Variants in WDR70 observed in about 807,000 individuals in gnomAD.
The protein encoded by WDR70 is WD repeat-containing protein 70.
A neutral mutation model predicts 88.6 loss-of-function variants in WDR70; 53 were observed. The observed-to-expected ratio is 0.60, with a 90% confidence interval of 0.48 to 0.75. The LOEUF (loss-of-function observed/expected upper bound fraction) is 0.75. WDR70 is among the 30% of genes least tolerant of loss of function. The pLI is 0.00. For synonymous variants in WDR70, 280 were observed against 270.0 expected (o/e 1.04, Z -0.36); for missense variants, 610 against 823.2 (o/e 0.74, Z 3.17).
At chr5:37,692,594 A>C (rs1250698645) in intron 10 of WDR70, among the ~76,000 whole-genome samples, 1 of 152,188 alleles carries the variant, frequency 6.6e-6, no homozygotes, top group African/African-American at 2.4e-5. Context: ...CCCTCACATA[A>C]ACAGAACCAA....
intron 5 of WDR70, among the ~76,000 whole-genome samples, chr5:37,433,778 C>T (rs921283824): frequency 6.6e-6 from 1 of 152,160 alleles, no homozygotes; most frequent in Non-Finnish European, 1.5e-5. Context: ...TGGAATTGAG[C>T]ACTGAACCCT....
chr5:37,498,191 AT>A (rs1309114849), intron 8 of WDR70, among the ~76,000 whole-genome samples: 2 of 152,152 alleles, frequency 1.3e-5, no homozygotes, highest in East Asian at 3.9e-4. Flanking sequence ...TATGAAAATA[AT>A]TTCATGGCAC....
intron 13 of WDR70, among the ~76,000 whole-genome samples, chr5:37,718,949 A>G (rs542730287): frequency 1.3e-5 from 2 of 152,318 alleles, no homozygotes; most frequent in East Asian, 3.9e-4. Flanking sequence ...GATACATGCT[A>G]TAAAAAAAGA....
At chr5:37,655,986 G>C (rs949712194) in intron 10 of WDR70, among the ~76,000 whole-genome samples, 2 of 151,844 alleles carry the variant, frequency 1.3e-5, no homozygotes, top group African/African-American at 4.8e-5. Flanking sequence ...CCTTGCTGGC[G>C]AGGAGTTGTG....
At chr5:37,661,852 C>G (rs544458585) in intron 10 of WDR70, among the ~76,000 whole-genome samples, 44 of 152,106 alleles carry the variant, frequency 2.9e-4, no homozygotes, top group Non-Finnish European at 4.7e-4. Context: ...GATTTTATCC[C>G]CAGGAGCAAT....
chr5:37,476,109 C>T (rs1739472926), intron 7 of WDR70, among the ~76,000 whole-genome samples: 1 of 152,010 alleles, frequency 6.6e-6, no homozygotes, highest in South Asian at 2.1e-4. Flanking sequence ...CCTCAGCCTC[C>T]CAAAGTGCTG....
At chr5:37,580,294 G>A (rs1743181684) in intron 9 of WDR70, among the ~76,000 whole-genome samples, 1 of 152,084 alleles carries the variant, frequency 6.6e-6, no homozygotes, top group South Asian at 2.1e-4. Context: ...CTTTGTCTTT[G>A]GCCAACAGCT....
chr5:37,383,094 A>G (rs1456485825), intron 3 of WDR70, among the ~76,000 whole-genome samples: 2 of 152,020 alleles, frequency 1.3e-5, no homozygotes, highest in East Asian at 1.9e-4. Context: ...AAAATAAAAT[A>G]TAAAATATAA....
At chr5:37,387,916 A>G (rs1410902532) in intron 3 of WDR70, among the ~76,000 whole-genome samples, 1 of 151,910 alleles carries the variant, frequency 6.6e-6, no homozygotes, top group Non-Finnish European at 1.5e-5. Context: ...TAAGACTTTG[A>G]CCCTTTTAAT....
chr5:37,424,504 A>G (rs1005619403), intron 5 of WDR70, among the ~76,000 whole-genome samples: 9 of 151,534 alleles, frequency 5.9e-5, no homozygotes, highest in Non-Finnish European at 1.2e-4. Flanking sequence ...TTCCAGGCTC[A>G]AGTGATCCTT....
chr5:37,598,614 T>C (rs1284790379), intron 9 of WDR70, among the ~76,000 whole-genome samples: 2 of 152,198 alleles, frequency 1.3e-5, no homozygotes, highest in Non-Finnish European at 2.9e-5. Context: ...CACCTAGAAG[T>C]ACAAATTTAT....
chr5:37,659,787 T>C (rs189363029), intron 10 of WDR70, among the ~76,000 whole-genome samples: 8 of 152,226 alleles, frequency 5.3e-5, no homozygotes, highest in African/African-American at 1.9e-4. Flanking sequence ...CTTCCTCTTC[T>C]TATATGGACA....
At chr5:37,725,118 T>C (rs1747934971) in intron 16 of WDR70, 68 bp downstream of exon 16, 4 of 1,381,600 alleles carry the variant, frequency 2.9e-6, no homozygotes, top group Non-Finnish European at 4.1e-6. Context: ...TGATATAAAA[T>C]TGGGAAGGTC....
intron 7 of WDR70, among the ~76,000 whole-genome samples, chr5:37,466,394 G>A (rs547577721): frequency 7.7e-4 from 118 of 152,360 alleles, no homozygotes; most frequent in African/African-American, 2.7e-3. Context: ...CTAGCCACAT[G>A]TGGTTATTTA....
chr5:37,431,298 G>C (rs957753872), intron 5 of WDR70, among the ~76,000 whole-genome samples: 1 of 152,168 alleles, frequency 6.6e-6, no homozygotes, highest in African/African-American at 2.4e-5. Flanking sequence ...TAAGAGTGAC[G>C]TCAGGGCTTT....
chr5:37,620,502 A>G (rs1340537595), intron 10 of WDR70, among the ~76,000 whole-genome samples: 1 of 152,224 alleles, frequency 6.6e-6, no homozygotes, highest in Non-Finnish European at 1.5e-5. Context: ...TTAATCACAG[A>G]AAATTACATT....
At chr5:37,442,375 G>C (rs1029251126) in intron 6 of WDR70, among the ~76,000 whole-genome samples, 6 of 142,878 alleles carry the variant, frequency 4.2e-5, no homozygotes, top group Non-Finnish European at 9.0e-5. Flanking sequence ...GTCTCGCTCT[G>C]TCACCCAGGG....
intron 10 of WDR70, among the ~76,000 whole-genome samples, chr5:37,616,128 C>CT (rs960386771): frequency 9.2e-4 from 138 of 150,196 alleles, no homozygotes; most frequent in South Asian, 3.0e-3. Flanking sequence ...AATCAAAACA[C>CT]TTTTTTTTTT....
chr5:37,510,685 A>G (rs1474282083), intron 8 of WDR70, among the ~76,000 whole-genome samples: 2 of 152,224 alleles, frequency 1.3e-5, no homozygotes, highest in African/African-American at 4.8e-5. Flanking sequence ...AACAATCTGT[A>G]TAATGATTTT....
Sources: gnomAD v4.1 joint callset for allele counts (sites outside exome capture counted in the v4.1 genomes callset) on GRCh38, gnomAD v4.1.1 for gene constraint, MANE v1.5 for transcripts, NCBI Gene and HGNC (gene_info 2026-07-23, HGNC 2026-07-21) for gene names.